The following CTNND2 variants were observed in gnomAD, a reference collection of about 807,000 sequenced individuals.
CTNND2 encodes catenin delta-2.
Under a neutral mutation model 144.4 loss-of-function variants are expected in CTNND2, and 22 were observed. That is an observed-to-expected ratio of 0.15 (90% confidence interval 0.11 to 0.22). The LOEUF (loss-of-function observed/expected upper bound fraction) is 0.22, where lower values mean the gene tolerates loss of function less well. CTNND2 is among the 10% of genes least tolerant of loss of function. The pLI is 1.00. For missense variants in CTNND2, 1,353 were observed against 1,618.8 expected, an observed-to-expected ratio of 0.84 and a Z score of 2.82; for synonymous variants, 751 against 695.6, an observed-to-expected ratio of 1.08 and a Z score of -1.25.
intron 15 of CTNND2, among the ~76,000 whole-genome samples, chr5:11,085,011 GA>G (rs765392103): frequency 2.4e-4 from 29 of 118,616 alleles, no homozygotes; most frequent in Admixed American, 3.9e-4. Context: ...ACAGACAGAG[GA>G]GAACCTGGCC....
chr5:11,091,431 ATC>A (rs1750764221), intron 15 of CTNND2, among the ~76,000 whole-genome samples: 1 of 152,228 alleles, frequency 6.6e-6, no homozygotes, highest in Non-Finnish European at 1.5e-5. Flanking sequence ...TAATTTTAAC[ATC>A]TGTCAGTTCT....
intron 1 of CTNND2, among the ~76,000 whole-genome samples, chr5:11,856,987 T>C (rs1795282369): frequency 6.6e-6 from 1 of 152,228 alleles, no homozygotes; most frequent in Non-Finnish European, 1.5e-5. Context: ...AATTAGTGCA[T>C]GCAGACATAT....
chr5:11,719,409 A>C (rs1786534622), intron 2 of CTNND2, among the ~76,000 whole-genome samples: 1 of 152,168 alleles, frequency 6.6e-6, no homozygotes, highest in Non-Finnish European at 1.5e-5. Flanking sequence ...AGATAATCAG[A>C]TGTCCCACCT....
Position 11,752,527 on chromosome 5 carries a change from G to C in CTNND2, c.38-20255C>G, listed in dbSNP as rs375153454. ...CTGGGCTCTCTATTCTGTTCCACTGGTCTATGTGTCTGTTCTTTTTTTTTT... is the reference window on the plus strand; with the variant it reads ...CTGGGCTCTCTATTCTGTTCCACTGCTCTATGTGTCTGTTCTTTTTTTTTT... On this transcript the variant is annotated intron_variant, in intron 1 of 21. Coordinates refer to ENST00000304623, the MANE Select transcript of CTNND2 (RefSeq NM_001332.4). Among the ~76,000 whole-genome samples the C allele has an allele frequency of 4.6e-5, 7 of 151,038 alleles. No homozygotes were observed. The East Asian group carries it at 1.2e-3, about 25-fold the overall frequency.
chr5:11,164,917 G>A (rs1010888109), intron 11 of CTNND2, among the ~76,000 whole-genome samples: 7 of 152,120 alleles, frequency 4.6e-5, no homozygotes, highest in South Asian at 2.1e-4. Flanking sequence ...AATGCCCATC[G>A]TATGCAGAAC....
chr5:11,438,258 T>C (rs551535472), intron 3 of CTNND2, among the ~76,000 whole-genome samples: 52 of 152,372 alleles, frequency 3.4e-4, no homozygotes, highest in African/African-American at 1.0e-3. Flanking sequence ...TTTCCATTTC[T>C]TTTGTTCATT....
chr5:11,699,554 A>C (rs893998021), intron 2 of CTNND2, among the ~76,000 whole-genome samples: 1 of 152,200 alleles, frequency 6.6e-6, no homozygotes, highest in Admixed American at 6.5e-5. Context: ...CATTTAAGTG[A>C]AAACAAGGGA....
chr5:11,775,595 G>C (rs1790207704), intron 1 of CTNND2, among the ~76,000 whole-genome samples: 1 of 152,228 alleles, frequency 6.6e-6, no homozygotes. Context: ...ATCACAAGGA[G>C]AGCTTGCTCC....
At chr5:11,818,474 T>C (rs1178154592) in intron 1 of CTNND2, among the ~76,000 whole-genome samples, 1 of 151,920 alleles carries the variant, frequency 6.6e-6, no homozygotes, top group Admixed American at 6.6e-5. Context: ...GTTCAAGCAA[T>C]TCTCCTGCCT....
chr5:11,739,365 C>A (rs1220037402), intron 1 of CTNND2, among the ~76,000 whole-genome samples: 1 of 152,154 alleles, frequency 6.6e-6, no homozygotes, highest in African/African-American at 2.4e-5. Context: ...AAGGGCTTGG[C>A]CTGAGTGACC....
chr5:11,805,789 A>G (rs1791961151), intron 1 of CTNND2, among the ~76,000 whole-genome samples: 1 of 152,184 alleles, frequency 6.6e-6, no homozygotes, highest in Non-Finnish European at 1.5e-5. Context: ...CTTAAAAAGT[A>G]GAGTATATTA....
chr5:11,629,905 G>GA (rs1413828816), intron 2 of CTNND2, among the ~76,000 whole-genome samples: 3 of 151,808 alleles, frequency 2.0e-5, no homozygotes, highest in Non-Finnish European at 4.4e-5. Context: ...TTTAATTGTT[G>GA]AAAAAAATGC....
chr5:11,260,280 G>T (rs993468420), intron 9 of CTNND2, among the ~76,000 whole-genome samples: 1 of 152,172 alleles, frequency 6.6e-6, no homozygotes, highest in Non-Finnish European at 1.5e-5. Flanking sequence ...CTCTTTGGAA[G>T]ATCCTGTCTA....
At chr5:11,128,452 T>G (rs963162834) in intron 12 of CTNND2, among the ~76,000 whole-genome samples, 1 of 151,996 alleles carries the variant, frequency 6.6e-6, no homozygotes, top group Non-Finnish European at 1.5e-5. Flanking sequence ...TCTGAAGTTC[T>G]GGCCCAGAGA....
At chr5:11,196,500 G>A (rs1035041114) in intron 11 of CTNND2, among the ~76,000 whole-genome samples, 1 of 152,214 alleles carries the variant, frequency 6.6e-6, no homozygotes, top group Non-Finnish European at 1.5e-5. Flanking sequence ...ATCCACGGGA[G>A]AATTGCAAAG....
chr5:11,464,194 A>C (rs1561432578), intron 3 of CTNND2, among the ~76,000 whole-genome samples: 3 of 152,228 alleles, frequency 2.0e-5, no homozygotes, highest in African/African-American at 7.2e-5. Flanking sequence ...ACAGACAAAA[A>C]TTCTTCCATT....
intron 12 of CTNND2, among the ~76,000 whole-genome samples, chr5:11,139,068 C>T (rs1756441556): frequency 1.3e-5 from 2 of 151,896 alleles, no homozygotes; most frequent in African/African-American, 4.8e-5. Flanking sequence ...TCAAGTGATT[C>T]CCATGCTTCA....
At chr5:11,482,874 G>A (rs1768415111) in intron 3 of CTNND2, among the ~76,000 whole-genome samples, 1 of 152,136 alleles carries the variant, frequency 6.6e-6, no homozygotes, top group African/African-American at 2.4e-5. Context: ...AGTGAGGGGA[G>A]AGAGCAGGGG....
At chr5:11,869,617 A>G (rs1289707602) in intron 1 of CTNND2, among the ~76,000 whole-genome samples, 2 of 152,362 alleles carry the variant, frequency 1.3e-5, no homozygotes, top group East Asian at 3.9e-4. Context: ...CAGAGCTGCT[A>G]TTCGAAATAA....
Sources: gnomAD v4.1 joint callset for allele counts (sites outside exome capture counted in the v4.1 genomes callset) on GRCh38, gnomAD v4.1.1 for gene constraint, MANE v1.5 for transcripts, NCBI Gene and HGNC (gene_info 2026-07-23, HGNC 2026-07-21) for gene names.